The following LTBP1 variants were observed in gnomAD, a reference collection of about 807,000 sequenced individuals.
LTBP1 encodes latent transforming growth factor beta binding protein 1.
LTBP1 carries 129 observed loss-of-function variants against 207.6 expected under a neutral mutation model. That is an observed-to-expected ratio of 0.62 (90% CI 0.54 to 0.72). The LOEUF is 0.72. Ranked by LOEUF, LTBP1 falls within the 30% of genes least tolerant of loss-of-function variation. The pLI is 0.00. For synonymous variants in LTBP1, 963 were observed against 833.7 expected, an observed-to-expected ratio of 1.16 and a Z score of -2.67; for missense variants, 2,281 against 2,217.2, an observed-to-expected ratio of 1.03 and a Z score of -0.58.
intron 3 of LTBP1, among the ~76,000 whole-genome samples, chr2:33,072,754 A>G (rs534615417): frequency 2.6e-5 from 4 of 152,200 alleles, no homozygotes; most frequent in Non-Finnish European, 5.9e-5. Flanking sequence ...ATGTCATAGT[A>G]TCACGCAAGT....
At chr2:33,194,910 C>G (rs573872112) in intron 7 of LTBP1, among the ~76,000 whole-genome samples, 1 of 152,180 alleles carries the variant, frequency 6.6e-6, no homozygotes, top group South Asian at 2.1e-4. Context: ...ATAGGCTGTT[C>G]TGAAAATTCT....
rs951934854 is a variant in LTBP1 at position 32,947,286 on chromosome 2, CG to C, written c.-37del. ...GAGCCGCACGGCCGGGGGAGGGGGCCGGACCGCGCGCGACCGGTCGCGCCCG... is the reference window on the plus strand; with the variant it reads ...GAGCCGCACGGCCGGGGGAGGGGGCCGACCGCGCGCGACCGGTCGCGCCCG... On this transcript the variant is annotated 5_prime_UTR_variant, in exon 1 of 34. Transcript: ENST00000404816. 8.3e-7 allele frequency: 1 copy of C among 1,206,858 alleles called. No homozygotes were observed. Among genetic ancestry groups the C allele is most frequent in the Non-Finnish European group, 1.0e-6 (1 of 970,846 alleles). 74.8% of individuals were successfully genotyped at this position (1,206,858 alleles called of 1,614,324 possible). A position where few individuals can be genotyped will look rare whatever the true frequency, so the allele number is the denominator to read the frequency against.
chr2:33,218,286 TTGA>T (rs556468864), intron 8 of LTBP1, among the ~76,000 whole-genome samples: 137 of 152,364 alleles, frequency 9.0e-4, no homozygotes, highest in African/African-American at 3.1e-3. Flanking sequence ...TCAGAACATG[TTGA>T]TTTGAATAAA....
At chr2:33,120,092 A>G (rs1443477151) in intron 4 of LTBP1, among the ~76,000 whole-genome samples, 2 of 149,596 alleles carry the variant, frequency 1.3e-5, no homozygotes, top group African/African-American at 4.9e-5. Context: ...AATTCTTCTG[A>G]CAAGCAAACT....
At chr2:33,006,195 T>A (rs542859999) in intron 2 of LTBP1, among the ~76,000 whole-genome samples, 128 of 152,252 alleles carry the variant, frequency 8.4e-4, no homozygotes, top group African/African-American at 2.9e-3. Flanking sequence ...AGTGCTGAGA[T>A]TACAGGCGTG....
At chr2:33,023,375 AT>A (rs1007447042) in intron 3 of LTBP1, among the ~76,000 whole-genome samples, 16 of 152,064 alleles carry the variant, frequency 1.1e-4, no homozygotes, top group African/African-American at 3.1e-4. Flanking sequence ...GGAACAGTCT[AT>A]TTTTTTTCCT....
chr2:33,371,605 A>T (rs186515411), intron 31 of LTBP1, among the ~76,000 whole-genome samples: 1 of 152,338 alleles, frequency 6.6e-6, no homozygotes, highest in East Asian at 1.9e-4. Context: ...TTGGTTGCAT[A>T]TGGAGTTTAT....
At chr2:33,017,175 T>C (rs1688501327) in intron 2 of LTBP1, among the ~76,000 whole-genome samples, 1 of 152,206 alleles carries the variant, frequency 6.6e-6, no homozygotes, top group South Asian at 2.1e-4. Context: ...CTTTTGGCAA[T>C]GTATAGATAT....
chr2:33,111,098 A>T (rs897356753), intron 4 of LTBP1, among the ~76,000 whole-genome samples: 1 of 152,240 alleles, frequency 6.6e-6, no homozygotes, highest in Non-Finnish European at 1.5e-5. Flanking sequence ...TAAGCTAGCC[A>T]GGACTCATGC....
At chr2:33,158,422 T>G (rs1018002853) in intron 5 of LTBP1, among the ~76,000 whole-genome samples, 2 of 152,150 alleles carry the variant, frequency 1.3e-5, no homozygotes, top group African/African-American at 2.4e-5. Context: ...CCACCGGAGC[T>G]TCTGCAGGGC....
chr2:32,996,562 A>G (rs1685303580), intron 2 of LTBP1, among the ~76,000 whole-genome samples: 4 of 152,166 alleles, frequency 2.6e-5, no homozygotes, highest in Admixed American at 2.6e-4. Flanking sequence ...TGGTGATAAG[A>G]GGAGACATCT....
intron 11 of LTBP1, among the ~76,000 whole-genome samples, chr2:33,256,198 T>G (rs561027844): frequency 1.3e-5 from 2 of 152,322 alleles, no homozygotes; most frequent in Admixed American, 6.5e-5. Flanking sequence ...CGGCCAGGCT[T>G]TTGCCCAGTT....
intron 10 of LTBP1, among the ~76,000 whole-genome samples, chr2:33,251,694 A>G (rs1014915983): frequency 2.0e-5 from 3 of 146,584 alleles, no homozygotes; most frequent in South Asian, 4.4e-4. Context: ...AAAAGATGCT[A>G]GAGGAATTGG....
At position 33,186,849 on chromosome 2, in the gene LTBP1, C is replaced by T; in HGVS notation, c.1202-7C>T. On this transcript the variant is annotated splice_region_variant and splice_polypyrimidine_tract_variant and intron_variant, in intron 5 of 33. Transcript: ENST00000404816. ...CAACTCTCCATGTTTTCTCTTTTCCCTTTTAGTAATTTGCCATCTTCCATG... is the reference window on the plus strand; with the variant it reads ...CAACTCTCCATGTTTTCTCTTTTCCTTTTTAGTAATTTGCCATCTTCCATG... 1.2e-6 allele frequency: 2 copies of T among 1,610,104 alleles called. No homozygotes were observed. Among genetic ancestry groups the T allele is most frequent in the South Asian group, 2.2e-5 (2 of 90,946 alleles).
intron 15 of LTBP1, among the ~76,000 whole-genome samples, chr2:33,266,956 C>T (rs2093199523): frequency 6.6e-6 from 1 of 152,224 alleles, no homozygotes; most frequent in South Asian, 2.1e-4. Flanking sequence ...AGAGCTGTGG[C>T]CCTTTGGGGA....
At chr2:33,054,689 G>A (rs1334667514) in intron 3 of LTBP1, among the ~76,000 whole-genome samples, 3 of 152,130 alleles carry the variant, frequency 2.0e-5, no homozygotes, top group African/African-American at 7.2e-5. Context: ...GAGGACAGTC[G>A]TCCAGGACAG....
At chr2:33,006,929 A>G (rs1381670706) in intron 2 of LTBP1, among the ~76,000 whole-genome samples, 2 of 152,146 alleles carry the variant, frequency 1.3e-5, no homozygotes, top group South Asian at 2.1e-4. Context: ...ATGGCCTTAT[A>G]TTTCACAGTG....
chr2:33,300,271 G>T (rs2093960715), intron 20 of LTBP1, among the ~76,000 whole-genome samples, 180 bp from the exon 21 acceptor site: 1 of 152,108 alleles, frequency 6.6e-6, no homozygotes, highest in Non-Finnish European at 1.5e-5. Flanking sequence ...CTATTCTATA[G>T]ATCAGTATAC....
chr2:33,077,325 C>T (rs771855465), intron 3 of LTBP1, among the ~76,000 whole-genome samples: 4 of 152,266 alleles, frequency 2.6e-5, no homozygotes, highest in Admixed American at 6.5e-5. Flanking sequence ...CGTATAAGTC[C>T]GTTCTTGCCC....
Sources: allele counts gnomAD v4.1 joint callset (sites outside exome capture counted in the v4.1 genomes callset), GRCh38; gene constraint gnomAD v4.1.1; transcripts MANE v1.5; gene names NCBI Gene and HGNC (gene_info 2026-07-23, HGNC 2026-07-21).